The following PHF24 variants were observed in gnomAD, a reference collection of about 807,000 sequenced individuals.
The protein encoded by PHF24 is PHD finger protein 24, also known as Galpha inhibitory interacting protein.
PHF24 carries 25 observed loss-of-function variants against 42.6 expected under a neutral mutation model. The ratio of observed to expected loss-of-function variants is 0.59; its 90% CI spans 0.43 to 0.82. The LOEUF (loss-of-function observed/expected upper bound fraction) is 0.82, where lower values mean the gene tolerates loss of function less well. Ranked by LOEUF, PHF24 falls within the 40% of genes least tolerant of loss-of-function variation. PHF24 has a pLI of 0.00. For synonymous variants in PHF24, 185 were observed against 204.8 expected, an observed-to-expected ratio of 0.90 and a Z score of 0.83; for missense variants, 470 against 538.1, an observed-to-expected ratio of 0.87 and a Z score of 1.25.
the PHF24 span, chr9:34,724,984 T>C: frequency 1.3e-6 from 2 of 1,551,964 alleles, no homozygotes; most frequent in South Asian, 1.2e-5. Flanking sequence ...TGACAGTACC[T>C]GGTAAAGCCT....
the PHF24 span, among the ~76,000 whole-genome samples, chr9:34,914,049 T>C: frequency 6.6e-6 from 1 of 152,212 alleles, no homozygotes; most frequent in African/African-American, 2.4e-5. Flanking sequence ...ACTTCACAGA[T>C]ATTTAGCCTT....
chr9:34,780,385 C>T, the PHF24 span, among the ~76,000 whole-genome samples: 29 of 149,098 alleles, frequency 1.9e-4, no homozygotes, highest in African/African-American at 6.7e-4. Flanking sequence ...CAGCCTCCAC[C>T]TCCTGGGCTC....
the PHF24 span, among the ~76,000 whole-genome samples, chr9:34,818,510 A>G: frequency 6.6e-6 from 1 of 152,186 alleles, no homozygotes; most frequent in Non-Finnish European, 1.5e-5. Context: ...CCAGCCTTGC[A>G]TTCCCATGGC....
the PHF24 span, among the ~76,000 whole-genome samples, chr9:34,674,857 T>TTTG: frequency 6.6e-6 from 1 of 152,066 alleles, no homozygotes; most frequent in African/African-American, 2.4e-5. Flanking sequence ...GTATGGTGTT[T>TTTG]TTGTTGTTGT....
chr9:34,687,458 C>T, the PHF24 span, among the ~76,000 whole-genome samples: 2 of 151,996 alleles, frequency 1.3e-5, no homozygotes, highest in Non-Finnish European at 2.9e-5. Flanking sequence ...ACTGGATCTC[C>T]GGGTGCAGAG....
the PHF24 span, among the ~76,000 whole-genome samples, chr9:34,866,995 G>C: frequency 1.8e-4 from 27 of 152,250 alleles, no homozygotes; most frequent in East Asian, 4.6e-3. Flanking sequence ...TAGACTATGA[G>C]GCATGAGGAA....
At chr9:34,682,370 T>C in the PHF24 span, among the ~76,000 whole-genome samples, 2 of 152,210 alleles carry the variant, frequency 1.3e-5, no homozygotes, top group Admixed American at 1.3e-4. Flanking sequence ...TATGGAATTT[T>C]GTTATGACTA....
chr9:34,860,364 C>G, the PHF24 span, among the ~76,000 whole-genome samples: 1 of 152,118 alleles, frequency 6.6e-6, no homozygotes, highest in Non-Finnish European at 1.5e-5. Context: ...TCCCATAGTT[C>G]TGGCATGATT....
the PHF24 span, chr9:34,723,102 C>T: frequency 8.7e-6 from 10 of 1,152,748 alleles, no homozygotes; most frequent in South Asian, 1.7e-5. Flanking sequence ...CCCACCTGCA[C>T]ATTTATGGAA....
At chr9:34,669,019 C>G in the PHF24 span, among the ~76,000 whole-genome samples, 3 of 152,192 alleles carry the variant, frequency 2.0e-5, no homozygotes, top group Non-Finnish European at 2.9e-5. Flanking sequence ...AAAAATGCAG[C>G]CTTTTGTCTC....
At chr9:34,716,951 T>G in the PHF24 span, among the ~76,000 whole-genome samples, 1 of 152,132 alleles carries the variant, frequency 6.6e-6, no homozygotes, top group African/African-American at 2.4e-5. Flanking sequence ...GACTTACGCT[T>G]CTGCATAACG....
At chr9:34,680,878 T>C in the PHF24 span, 1 of 152,194 alleles carries the variant, frequency 6.6e-6, no homozygotes, top group East Asian at 1.9e-4. Context: ...TTTTCTTTTA[T>C]CCTCCTTTAT....
At chr9:34,935,653 G>T in the PHF24 span, among the ~76,000 whole-genome samples, 8 of 150,390 alleles carry the variant, frequency 5.3e-5, no homozygotes, top group Non-Finnish European at 1.0e-4. Context: ...AGCTACATAG[G>T]AAAGAGTTTC....
At chr9:34,701,241 G>A in the PHF24 span, among the ~76,000 whole-genome samples, 2 of 152,164 alleles carry the variant, frequency 1.3e-5, no homozygotes, top group South Asian at 4.1e-4. The surrounding 1 kb of genome is among the most constrained non-coding windows in gnomAD (Gnocchi z 5.8). Context: ...TAGCCATTGG[G>A]GCAGGGGAGT....
the PHF24 span, among the ~76,000 whole-genome samples, chr9:34,783,920 A>G: frequency 6.6e-6 from 1 of 152,146 alleles, no homozygotes; most frequent in Non-Finnish European, 1.5e-5. Flanking sequence ...TATCATTAAA[A>G]CTTTTCTTAG....
the PHF24 span, among the ~76,000 whole-genome samples, chr9:34,702,047 C>A: frequency 6.6e-6 from 1 of 151,952 alleles, no homozygotes; most frequent in Non-Finnish European, 1.5e-5. Flanking sequence ...TTCCTTATTC[C>A]AAGGAAATAT....
chr9:34,730,431 T>A, the PHF24 span, among the ~76,000 whole-genome samples: 1 of 152,162 alleles, frequency 6.6e-6, no homozygotes, highest in Non-Finnish European at 1.5e-5. Flanking sequence ...CCAAGAAACC[T>A]TTGGGCTGAA....
the PHF24 span, among the ~76,000 whole-genome samples, chr9:34,706,069 C>T: frequency 6.6e-6 from 1 of 152,034 alleles, no homozygotes; most frequent in South Asian, 2.1e-4. Context: ...GCATTAGAAC[C>T]TTTAAGAAAA....
chr9:34,776,991 A>G, the PHF24 span, among the ~76,000 whole-genome samples: 1 of 152,232 alleles, frequency 6.6e-6, no homozygotes, highest in Non-Finnish European at 1.5e-5. Flanking sequence ...AAACAGCATC[A>G]GTGGTATCTG....
Sources: gnomAD v4.1 joint callset for allele counts (sites outside exome capture counted in the v4.1 genomes callset) on GRCh38, gnomAD v4.1.1 for gene constraint, Gnocchi (gnomAD v3.1) non-coding constraint, MANE v1.5 for transcripts, NCBI Gene and HGNC (gene_info 2026-07-23, HGNC 2026-07-21) for gene names.